Variants in PTGR3 observed in about 807,000 individuals in gnomAD.
The protein encoded by PTGR3 is prostaglandin reductase 3, also known as zinc binding alcohol dehydrogenase domain containing 2.
chr18:75,207,219 G>A, the PTGR3 span, among the ~76,000 whole-genome samples: 1 of 152,092 alleles, frequency 6.6e-6, no homozygotes, highest in Non-Finnish European at 1.5e-5. Context: ...TCGCTCAGTC[G>A]CCTCCTCCCC....
At chr18:75,205,471 C>T in the PTGR3 span, 2,433 of 985,290 alleles carry the variant, frequency 2.5e-3, 93 homozygotes, top group South Asian at 0.082. Context: ...ATCCAGAAAC[C>T]CCAGGAAAAA....
the PTGR3 span, chr18:75,208,801 G>C: frequency 7.4e-7 from 1 of 1,354,986 alleles, no homozygotes; most frequent in Non-Finnish European, 9.5e-7. Context: ...GGCGCGGCGC[G>C]AGCCCGGGGC....
the PTGR3 span, chr18:75,199,714 G>A: frequency 1.0e-3 from 155 of 152,696 alleles, 1 homozygote; most frequent in Middle Eastern, 3.4e-3. Context: ...AAAGAGCCTC[G>A]CATCAGGCCG....
the PTGR3 span, chr18:75,196,023 G>C: frequency 6.6e-6 from 1 of 152,160 alleles, no homozygotes; most frequent in African/African-American, 2.4e-5. Context: ...CCAGGGTTTC[G>C]GCATCTAGGG....
the PTGR3 span, chr18:75,200,254 AAG>A: frequency 3.3e-5 from 5 of 152,260 alleles, no homozygotes; most frequent in African/African-American, 1.2e-4. Context: ...CGTGACTCAG[AAG>A]AGAGGGTGCA....
chr18:75,201,216 A>C, the PTGR3 span: 3 of 559,474 alleles, frequency 5.4e-6, no homozygotes, highest in Non-Finnish European at 9.4e-6. Flanking sequence ...CATGGAGGGA[A>C]GTTTTATTAG....
the PTGR3 span, among the ~76,000 whole-genome samples, chr18:75,202,624 C>A: frequency 6.8e-6 from 1 of 146,112 alleles, no homozygotes. Flanking sequence ...TTCACATTTT[C>A]ACATGCCATT....
At chr18:75,204,616 C>A in the PTGR3 span, among the ~76,000 whole-genome samples, 1 of 152,202 alleles carries the variant, frequency 6.6e-6, no homozygotes, top group African/African-American at 2.4e-5. Flanking sequence ...TCAGCTCCAG[C>A]CGTGCAGTCC....
At chr18:75,208,934 C>T in the PTGR3 span, 1 of 1,587,038 alleles carries the variant, frequency 6.3e-7, no homozygotes, top group Non-Finnish European at 8.6e-7. Flanking sequence ...GAAGTTGGGG[C>T]TCAGCCGGGT....
the PTGR3 span, among the ~76,000 whole-genome samples, chr18:75,208,015 G>A: frequency 6.6e-6 from 1 of 152,218 alleles, no homozygotes; most frequent in South Asian, 2.1e-4. Context: ...ACCTAAGCGG[G>A]CATGGCTCCG....
At chr18:75,205,438 G>C in the PTGR3 span, 2 of 985,290 alleles carry the variant, frequency 2.0e-6, no homozygotes, top group Non-Finnish European at 2.4e-6. Context: ...AATCCGACGG[G>C]AGGATCCACT....
the PTGR3 span, chr18:75,205,463 C>T: frequency 1.7e-4 from 171 of 985,274 alleles, 1 homozygote; most frequent in African/African-American, 2.8e-3. Context: ...AGACTAAAAT[C>T]CAGAAACCCC....
the PTGR3 span, chr18:75,201,162 C>A: frequency 4.3e-6 from 2 of 462,658 alleles, no homozygotes; most frequent in Non-Finnish European, 7.6e-6. Flanking sequence ...GGAACGAGAC[C>A]ATCCATGACT....
At chr18:75,209,050 C>T in the PTGR3 span, 34 of 1,552,144 alleles carry the variant, frequency 2.2e-5, no homozygotes, top group Admixed American at 3.8e-5. This position sits in a 1 kb window ranked among gnomAD's most constrained non-coding sequence, Gnocchi z 4.7. Flanking sequence ...TGGGCACCAG[C>T]CGCAGCATGG....
the PTGR3 span, among the ~76,000 whole-genome samples, chr18:75,206,678 A>T: frequency 9.8e-5 from 15 of 152,332 alleles, no homozygotes; most frequent in African/African-American, 3.4e-4. Context: ...CCAACTCAAA[A>T]GAAAACTGTC....
the PTGR3 span, among the ~76,000 whole-genome samples, chr18:75,206,427 T>C: frequency 6.6e-6 from 1 of 152,230 alleles, no homozygotes; most frequent in Non-Finnish European, 1.5e-5. Flanking sequence ...TTTAAGATGA[T>C]AAAAATGAGA....
chr18:75,201,821 C>A, the PTGR3 span: 2 of 1,614,130 alleles, frequency 1.2e-6, no homozygotes, highest in Non-Finnish European at 8.5e-7. Flanking sequence ...ATTCATAGAC[C>A]ACATCGACAC....
chr18:75,201,965 C>A, the PTGR3 span: 1 of 1,614,212 alleles, frequency 6.2e-7, no homozygotes, highest in Non-Finnish European at 8.5e-7. Context: ...GGCACTTTGC[C>A]TTCTTTGAAA....
the PTGR3 span, chr18:75,201,243 C>A: frequency 1.7e-6 from 1 of 591,274 alleles, no homozygotes; most frequent in South Asian, 2.8e-5. Flanking sequence ...TTTTTTTTTC[C>A]CCCAAGGGAA....
Sources: allele counts gnomAD v4.1 joint callset (sites outside exome capture counted in the v4.1 genomes callset), GRCh38; gene constraint gnomAD v4.1.1; non-coding constraint Gnocchi (gnomAD v3.1); transcripts MANE v1.5; gene names NCBI Gene and HGNC (gene_info 2026-07-23, HGNC 2026-07-21).